MCC: variants seen among roughly 807,000 people sequenced by gnomAD.
MCC encodes the protein MCC regulator of Wnt signaling pathway.
MCC carries 90 observed loss-of-function variants against 116.2 expected under a neutral mutation model. That is an observed-to-expected ratio of 0.77 (90% CI 0.65 to 0.92). The LOEUF (loss-of-function observed/expected upper bound fraction) is 0.92, where lower values mean the gene tolerates loss of function less well. Ranked by LOEUF, MCC falls within the 40% of genes least tolerant of loss-of-function variation. The pLI, the probability that MCC is intolerant of heterozygous loss-of-function variation, is 0.00. For missense variants in MCC, 1,516 were observed against 1,312.2 expected, an observed-to-expected ratio of 1.16 and a Z score of -2.40; for synonymous variants, 578 against 510.5, an observed-to-expected ratio of 1.13 and a Z score of -1.78.
chr5:113,482,793 G>A (rs1772413432), intron 1 of MCC, among the ~76,000 whole-genome samples: 1 of 152,064 alleles, frequency 6.6e-6, no homozygotes, highest in Non-Finnish European at 1.5e-5. Flanking sequence ...TGTAGCTTGT[G>A]CTTTTGGTGT....
At chr5:113,327,561 A>AAAATAT (rs1480996383) in intron 3 of MCC, among the ~76,000 whole-genome samples, 18 of 80,564 alleles carry the variant, frequency 2.2e-4, no homozygotes, top group East Asian at 5.7e-4. Context: ...AAAAAAAAAA[A>AAAATAT]ATATATATAT....
At chr5:113,206,324 T>C (rs1158795218) in intron 3 of MCC, among the ~76,000 whole-genome samples, 3 of 152,242 alleles carry the variant, frequency 2.0e-5, no homozygotes, top group African/African-American at 7.2e-5. Context: ...ATATGTGTAA[T>C]ATATACCATA....
At chr5:113,296,136 G>A (rs528451408) in intron 3 of MCC, among the ~76,000 whole-genome samples, 3 of 152,250 alleles carry the variant, frequency 2.0e-5, no homozygotes, top group African/African-American at 7.2e-5. Context: ...CAAGTCCTTG[G>A]GCACTGCCAA....
intron 3 of MCC, among the ~76,000 whole-genome samples, chr5:113,334,220 T>C (rs1767816282): frequency 6.7e-6 from 1 of 149,906 alleles, no homozygotes; most frequent in Non-Finnish European, 1.5e-5. Flanking sequence ...ATATACACTT[T>C]TTGGGGGGAT....
chr5:113,027,887 A>G (rs1750678045), intron 18 of MCC, among the ~76,000 whole-genome samples: 1 of 152,212 alleles, frequency 6.6e-6, no homozygotes, highest in Non-Finnish European at 1.5e-5. Flanking sequence ...CACTGCAATC[A>G]AAGTGACCAT....
At chr5:113,453,047 A>G (rs933279042) in intron 1 of MCC, among the ~76,000 whole-genome samples, 1 of 152,220 alleles carries the variant, frequency 6.6e-6, no homozygotes, top group Non-Finnish European at 1.5e-5. Flanking sequence ...GTACTTGCTG[A>G]TTAATGTTAA....
intron 1 of MCC, among the ~76,000 whole-genome samples, chr5:113,487,023 T>A (rs570680205): frequency 6.6e-6 from 1 of 152,272 alleles, no homozygotes; most frequent in East Asian, 1.9e-4. Context: ...GAATTACATA[T>A]TATTTTCATT....
chr5:113,302,185 A>G (rs1766878696), intron 3 of MCC, among the ~76,000 whole-genome samples: 1 of 152,222 alleles, frequency 6.6e-6, no homozygotes, highest in African/African-American at 2.4e-5. Context: ...ATGATTTCTG[A>G]TGGAAGAAAA....
chr5:113,027,328 G>A lies in MCC; in HGVS notation c.3034C>T (p.Pro1012Ser), dbSNP rs1223135571. 2 of 1,614,160 alleles carry A rather than the reference G, an allele frequency of 1.2e-6. No homozygotes were observed. Among genetic ancestry groups the A allele is most frequent in the Admixed American group, 1.7e-5 (1 of 60,026 alleles). ...TAAAGCGAAGTTTCATTGGTGTGTGGCCTGGAGTTCTCCTCCTCTAGCAGA... is the reference window on the plus strand; with the variant it reads ...TAAAGCGAAGTTTCATTGGTGTGTGACCTGGAGTTCTCCTCCTCTAGCAGA... ...IALLEEENSR[P>S]HTNETSL is the part of the protein sequence containing the mutation. The change falls in exon 19 of 19, where the codon CCA (proline) becomes TCA (serine). Residue 1012 changes from proline to serine, a missense_variant. Coordinates refer to ENST00000408903, the MANE Select transcript of MCC (RefSeq NM_001085377.2).
intron 1 of MCC, among the ~76,000 whole-genome samples, chr5:113,479,975 T>C (rs1429757350): frequency 6.6e-6 from 1 of 152,234 alleles, no homozygotes; most frequent in African/African-American, 2.4e-5. Context: ...CATGAGAATC[T>C]ACTTTGCTAT....
chr5:113,143,497 G>C (rs1759312917), intron 4 of MCC, 137 bp from the exon 5 acceptor site: 1 of 880,438 alleles, frequency 1.1e-6, no homozygotes, highest in South Asian at 1.6e-5. Context: ...TCAGCTCATC[G>C]GCTGGCAATC....
intron 1 of MCC, among the ~76,000 whole-genome samples, chr5:113,442,347 TTG>T (rs1324769346): frequency 1.3e-5 from 2 of 152,132 alleles, no homozygotes; most frequent in African/African-American, 4.8e-5. Context: ...TTTGATGGGG[TTG>T]TTTTTTTCTT....
At chr5:113,232,525 A>T (rs141024691) in intron 3 of MCC, among the ~76,000 whole-genome samples, 98 of 152,302 alleles carry the variant, frequency 6.4e-4, no homozygotes, top group Middle Eastern at 3.4e-3. Flanking sequence ...CGCCCAAAAA[A>T]GCTGAGATCA....
At chr5:113,414,393 G>A (rs759729628) in intron 1 of MCC, among the ~76,000 whole-genome samples, 4 of 152,160 alleles carry the variant, frequency 2.6e-5, no homozygotes, top group Non-Finnish European at 5.9e-5. Context: ...TTATTATTGT[G>A]TGAGAGTCTA....
At chr5:113,396,971 G>C (rs867429837) in intron 1 of MCC, among the ~76,000 whole-genome samples, 3 of 152,274 alleles carry the variant, frequency 2.0e-5, no homozygotes, top group African/African-American at 7.2e-5. Flanking sequence ...TTCTTTAGGG[G>C]CATAAAAATT....
chr5:113,066,054 G>C (rs1753579309), intron 13 of MCC, among the ~76,000 whole-genome samples: 1 of 152,198 alleles, frequency 6.6e-6, no homozygotes, highest in Non-Finnish European at 1.5e-5. Context: ...TTTGGAATTA[G>C]GCATGACATT....
In MCC at chr5:113,199,630, T is replaced by C. The variant is rs1223945421; in HGVS notation, c.628-48208A>G. On this transcript the variant is annotated intron_variant, in intron 3 of 18. Transcript: ENST00000408903. Reference sequence around the variant, plus strand: ...AGCAGACACTGTGTGCCATGGGCCATAGAATAAAGTCTCAGGATGCTCTGG... The same window carrying C: ...AGCAGACACTGTGTGCCATGGGCCACAGAATAAAGTCTCAGGATGCTCTGG... Among the ~76,000 whole-genome samples the C allele has an allele frequency of 2.0e-5, 3 of 152,194 alleles. No homozygotes were observed. The South Asian group carries it at 6.2e-4, about 31-fold the overall frequency.
intron 3 of MCC, among the ~76,000 whole-genome samples, chr5:113,271,883 C>T (rs897519640): frequency 6.6e-6 from 1 of 152,140 alleles, no homozygotes; most frequent in East Asian, 1.9e-4. Context: ...TCAACTTCTA[C>T]AACAATGAGC....
intron 4 of MCC, among the ~76,000 whole-genome samples, chr5:113,149,921 T>C (rs1184491470): frequency 6.6e-6 from 1 of 152,040 alleles, no homozygotes; most frequent in Admixed American, 6.6e-5. Flanking sequence ...CCAAAAGGAA[T>C]TCACAGGAAA....
Sources: gnomAD v4.1 joint callset for allele counts (sites outside exome capture counted in the v4.1 genomes callset) on GRCh38, gnomAD v4.1.1 for gene constraint, MANE v1.5 for transcripts, NCBI Gene and HGNC (gene_info 2026-07-23, HGNC 2026-07-21) for gene names.